The following VPS13B variants were observed in gnomAD, a reference collection of about 807,000 sequenced individuals.
VPS13B encodes the protein intermembrane lipid transfer protein VPS13B.
A neutral mutation model predicts 426.4 loss-of-function variants in VPS13B; 285 were observed. The ratio of observed to expected loss-of-function variants is 0.67; its 90% CI spans 0.61 to 0.74. VPS13B has a LOEUF of 0.74. VPS13B is among the 30% of genes least tolerant of loss of function. The probability of loss-of-function intolerance (pLI) is 0.00; values close to 1 mark genes in which losing one functional copy is unlikely to be tolerated. For missense variants in VPS13B, 4,537 were observed against 4,782.6 expected, an observed-to-expected ratio of 0.95 and a Z score of 1.51; for synonymous variants, 1,676 against 1,676.4, an observed-to-expected ratio of 1.00 and a Z score of 0.01.
intron 23 of VPS13B, among the ~76,000 whole-genome samples, chr8:99,449,087 A>G (rs1818065534): frequency 6.6e-6 from 1 of 152,236 alleles, no homozygotes; most frequent in South Asian, 2.1e-4. Flanking sequence ...CCAGATAGCC[A>G]TTATAGCTTA....
chr8:99,058,598 T>C (rs1844013361), intron 3 of VPS13B, among the ~76,000 whole-genome samples: 1 of 152,170 alleles, frequency 6.6e-6, no homozygotes, highest in Admixed American at 6.5e-5. Context: ...TTATTTTAAA[T>C]TGGCAAGCAA....
chr8:99,034,613 A>G (rs1037733710), intron 2 of VPS13B, among the ~76,000 whole-genome samples: 2 of 152,028 alleles, frequency 1.3e-5, no homozygotes, highest in Non-Finnish European at 2.9e-5. Flanking sequence ...AGTAATATAT[A>G]TGTGAGACCC....
intron 3 of VPS13B, among the ~76,000 whole-genome samples, chr8:99,075,299 G>C (rs1237888752): frequency 6.6e-6 from 1 of 152,140 alleles, no homozygotes; most frequent in African/African-American, 2.4e-5. Flanking sequence ...CTTCTGGGGA[G>C]GTCTCAGGGA....
At chr8:99,227,913 C>T (rs1315909758) in intron 17 of VPS13B, among the ~76,000 whole-genome samples, 1 of 152,184 alleles carries the variant, frequency 6.6e-6, no homozygotes, top group East Asian at 1.9e-4. Context: ...CACTATGCTG[C>T]TGACCCAGAC....
chr8:99,582,799 G>A (rs1826131264), intron 33 of VPS13B, among the ~76,000 whole-genome samples: 1 of 152,072 alleles, frequency 6.6e-6, no homozygotes, highest in Non-Finnish European at 1.5e-5. Context: ...GGGACTAGAG[G>A]CGCCCGCCAC....
chr8:99,391,761 G>A (rs1349722474), intron 21 of VPS13B, 57 bp downstream of exon 21: 1 of 1,588,810 alleles, frequency 6.3e-7, no homozygotes, highest in Non-Finnish European at 8.6e-7. Flanking sequence ...AAGCTAGCAA[G>A]TTAGCATCCA....
intron 19 of VPS13B, among the ~76,000 whole-genome samples, chr8:99,362,137 G>C (rs1274962080): frequency 1.5e-5 from 2 of 137,364 alleles, no homozygotes; most frequent in Non-Finnish European, 3.2e-5. Context: ...ATTTTAATTT[G>C]TCTTTTTTTT....
intron 31 of VPS13B, among the ~76,000 whole-genome samples, chr8:99,561,001 A>C (rs1174036573): frequency 6.6e-6 from 1 of 152,180 alleles, no homozygotes; most frequent in Non-Finnish European, 1.5e-5. Context: ...TGGTTTGTGT[A>C]TGTGTGTATG....
chr8:99,013,446 G>A (rs1841428097), intron 1 of VPS13B, 99 bp downstream of exon 1: 5 of 361,784 alleles, frequency 1.4e-5, no homozygotes, highest in Non-Finnish European at 1.1e-5. Context: ...CGGGAAGCGA[G>A]GGCCTCGCGG....
At chr8:99,224,752 T>C (rs994588782) in intron 17 of VPS13B, among the ~76,000 whole-genome samples, 2 of 152,210 alleles carry the variant, frequency 1.3e-5, no homozygotes, top group African/African-American at 4.8e-5. Flanking sequence ...TTTTTATTTA[T>C]TATATGTTTA....
Position 99,821,341 on chromosome 8 carries a change from C to T in VPS13B, c.9042C>T (p.His3014=), listed in dbSNP as rs761684415. ...GIYWANTNTV[H]KSVAIKLVHN... ...ACTGGGCAAATACAAACACTGTGCA[C>T]AAGTCAGTAGCAATTAAACTGGTCC... The change falls in exon 50 of 62, where the codon CAC becomes CAT. Residue 3014 remains histidine (H), a synonymous_variant. Transcript: ENST00000357162. 1 of 1,613,704 alleles carries T rather than the reference C, an allele frequency of 6.2e-7. No homozygotes were observed. The highest frequency in any genetic ancestry group is 1.7e-5 in the Admixed American group (1 of 59,964).
chr8:99,821,532 A>G, intron 50 of VPS13B, 50 bp downstream of exon 50: 2 of 1,606,828 alleles, frequency 1.2e-6, no homozygotes, highest in Non-Finnish European at 1.7e-6. Context: ...CCATCCCCTT[A>G]ACCTGTCTAA....
Position 99,854,194 on chromosome 8 carries a change from C to T in VPS13B, c.10805C>T (p.Thr3602Ile), listed in dbSNP as rs1358932447. ...SVFERGPIFTTARQLVHALAM... is the reference protein window; with the variant it reads ...SVFERGPIFTIARQLVHALAM... ...TTTGAAAGAGGACCCATCTTCACCA[C>T]TGCGAGGCAGCTTGTGCACGCCCTG... The change falls in exon 56 of 62, where the codon ACT becomes ATT. Residue 3602 changes from threonine to isoleucine, a missense_variant. By Grantham distance (89) the Thr-to-Ile change is moderately conservative (BLOSUM62 -1). Around this residue, in one of 2 missense-constraint regions of VPS13B, gnomAD observed 4,311 missense variants for 4,474.3 expected, o/e 0.96. Transcript: ENST00000357162. 8.7e-6 allele frequency: 14 copies of T among 1,614,112 alleles called. No homozygotes were observed. Among genetic ancestry groups the T allele is most frequent in the Non-Finnish European group, 1.2e-5 (14 of 1,180,032 alleles).
intron 21 of VPS13B, among the ~76,000 whole-genome samples, chr8:99,408,349 A>G (rs1348172846): frequency 2.0e-5 from 3 of 152,156 alleles, no homozygotes; most frequent in Admixed American, 6.6e-5. Flanking sequence ...GCCAGGTAGT[A>G]TTACTAGAGG....
intron 3 of VPS13B, among the ~76,000 whole-genome samples, chr8:99,052,207 C>T (rs1486702395): frequency 2.3e-5 from 3 of 127,860 alleles, no homozygotes; most frequent in South Asian, 3.0e-4. Flanking sequence ...TATGTCCCAT[C>T]GATACATAAT....
chr8:99,849,405 C>A (rs1171551326), intron 55 of VPS13B, among the ~76,000 whole-genome samples: 1 of 151,900 alleles, frequency 6.6e-6, no homozygotes, highest in African/African-American at 2.4e-5. Flanking sequence ...GATGGCCTTA[C>A]AGAAACAAAA....
chr8:99,809,451 T>C lies in VPS13B; in HGVS notation c.8018T>C (p.Phe2673Ser). The C allele has an allele frequency of 6.2e-7, 1 of 1,614,054 alleles. No homozygotes were observed. Among genetic ancestry groups the C allele is most frequent in the Non-Finnish European group, 8.5e-7 (1 of 1,179,972 alleles). ...TTCAGTGTGGACCATGCCGGGACTT[T>C]TATTAGAACAATTCAGTACAGGGGT... The part of the protein sequence containing the change: ...EPFSVDHAGT[F>S]IRTIQYRGRT... Residue 2673 changes from phenylalanine to serine, a missense_variant, in exon 44 of 62, where the codon TTT becomes TCT. Phe to Ser is a radical substitution (Grantham distance 155). Around this residue, in one of 2 missense-constraint regions of VPS13B, gnomAD observed 4,311 missense variants for 4,474.3 expected, o/e 0.96. Coordinates refer to ENST00000357162, the MANE Select transcript of VPS13B (RefSeq NM_152564.5).
chr8:99,121,989 CT>C (rs1234522384), intron 8 of VPS13B, among the ~76,000 whole-genome samples: 1 of 150,770 alleles, frequency 6.6e-6, no homozygotes, highest in Non-Finnish European at 1.5e-5. Context: ...GCAGCTGGGA[CT>C]ACAGGCACGT....
chr8:99,274,164 A>G (rs1185582517), intron 17 of VPS13B, 34 bp from the exon 18 acceptor site: 6 of 1,613,720 alleles, frequency 3.7e-6, no homozygotes, highest in South Asian at 1.1e-5. Flanking sequence ...TTTAAATTCA[A>G]TCGGCTAGTA....
Sources: allele counts gnomAD v4.1 joint callset (sites outside exome capture counted in the v4.1 genomes callset), GRCh38; gene constraint gnomAD v4.1.1; regional missense constraint gnomAD v4.1.1; transcripts MANE v1.5; gene names NCBI Gene and HGNC (gene_info 2026-07-23, HGNC 2026-07-21).